OR7A5: variants seen among roughly 807,000 people sequenced by gnomAD.
OR7A5 encodes olfactory receptor 7A5.
For missense variants in OR7A5, 319 were observed against 377.9 expected, an observed-to-expected ratio of 0.84 and a Z score of 1.29; for synonymous variants, 140 against 146.7, an observed-to-expected ratio of 0.95 and a Z score of 0.33.
intron 1 of OR7A5, among the ~76,000 whole-genome samples, chr19:14,829,403 A>G (rs1014412774): frequency 1.3e-5 from 2 of 152,118 alleles, no homozygotes; most frequent in East Asian, 3.9e-4. Flanking sequence ...GGGTTTCTCC[A>G]TGTTGGTCAG....
rs1422191176 is a variant in OR7A5 at position 14,831,686 on chromosome 19, G to T, written c.-14+3388C>A. 7.9e-5 allele frequency among the ~76,000 whole-genome samples: 12 copies of T among 151,946 alleles called. No individual in the cohort carries two copies. In the East Asian group the frequency reaches 1.7e-3, roughly 22 times the overall value. ...TCTCGATCTCCTGACCTCGTGATCC[G>T]CCTGCCTCGGCCTCCCAAAGTGCTG... On this transcript the variant is annotated intron_variant, in intron 1 of 1. Coordinates refer to ENST00000322301, the MANE Select transcript of OR7A5 (RefSeq NM_017506.2).
At chr19:14,829,672 C>T (rs184887778) in intron 1 of OR7A5, among the ~76,000 whole-genome samples, 2 of 152,200 alleles carry the variant, frequency 1.3e-5, no homozygotes, top group Non-Finnish European at 2.9e-5. Context: ...TGCTGTTGCA[C>T]CTGCACTTTA....
Position 14,827,966 on chromosome 19 carries a change from G to A in OR7A5, c.276C>T (p.Ile92=). 6.2e-7 allele frequency: 1 copy of A among 1,614,226 alleles called. No homozygotes were observed. The highest frequency in any genetic ancestry group is 1.3e-5 in the African/African-American group (1 of 75,058). ...TCTGCATGAGGCAGGCTATGTAGGT[G>A]ATGACTTTGTTCTGTGTCTGGATGT... is the stretch of plus-strand genomic sequence containing the variant. The part of the protein sequence containing the change: ...LMNIQTQNKV[I]TYIACLMQMY... The change falls in exon 2 of 2, where the codon ATC becomes ATT. Residue 92 remains isoleucine, a synonymous_variant. Coordinates refer to ENST00000322301, the MANE Select transcript of OR7A5 (RefSeq NM_017506.2).
chr19:14,831,512 T>C (rs1332130958), intron 1 of OR7A5, among the ~76,000 whole-genome samples: 1 of 152,078 alleles, frequency 6.6e-6, no homozygotes, highest in Admixed American at 6.5e-5. Context: ...TGGTGCAATA[T>C]TGGCTCACTG....
chr19:14,829,986 C>A (rs2044815214), intron 1 of OR7A5, among the ~76,000 whole-genome samples: 1 of 152,188 alleles, frequency 6.6e-6, no homozygotes, highest in Non-Finnish European at 1.5e-5. Flanking sequence ...CCTCAGCCTC[C>A]CAAGTAGTTG....
intron 1 of OR7A5, among the ~76,000 whole-genome samples, chr19:14,832,379 T>TTCCC (rs1354740545): frequency 1.3e-5 from 2 of 151,486 alleles, no homozygotes; most frequent in African/African-American, 4.9e-5. Context: ...TTTTCCCTCC[T>TTCCC]TCCCTCCCTC....
In OR7A5 at chr19:14,827,412, A is replaced by C; in HGVS notation, c.830T>G (p.Met277Arg). The change falls in exon 2 of 2, where the codon ATG becomes AGG. Residue 277 changes from methionine (M) to arginine (R), a missense_variant. Coordinates refer to ENST00000322301, the MANE Select transcript of OR7A5 (RefSeq NM_017506.2). ...NSHSSATASV[M>R]YTVVTPMLNP... ...CAGCATGGGGGTGACCACAGTGTAC[A>C]TCACTGAGGCTGTTGCACTTGAGTG... 1 of 1,614,134 alleles carries C rather than the reference A, an allele frequency of 6.2e-7. No homozygotes were observed. Among genetic ancestry groups the C allele is most frequent in the Non-Finnish European group, 8.5e-7 (1 of 1,179,996 alleles).
chr19:14,828,352 C>T (rs1197948044), intron 1 of OR7A5, 98 bp from the exon 2 acceptor site: 1 of 1,240,686 alleles, frequency 8.1e-7, no homozygotes, highest in Non-Finnish European at 1.1e-6. Context: ...AATAAATTAT[C>T]TTACATTTTG....
intron 1 of OR7A5, among the ~76,000 whole-genome samples, chr19:14,834,161 C>T (rs2044861624): frequency 6.6e-6 from 1 of 152,244 alleles, no homozygotes; most frequent in South Asian, 2.1e-4. Context: ...ACTTGGGAGA[C>T]TGAGGTGGGA....
chr19:14,834,806 C>T (rs1004461410), intron 1 of OR7A5, among the ~76,000 whole-genome samples: 24 of 152,140 alleles, frequency 1.6e-4, no homozygotes, highest in African/African-American at 5.6e-4. Context: ...CATTTTACAC[C>T]TCCTATTCCT....
In OR7A5 at chr19:14,827,460, C is replaced by T. The variant is rs755231338; in HGVS notation, c.782G>A (p.Ser261Asn). The change falls in exon 2 of 2, where the codon AGT becomes AAT. Residue 261 changes from serine (S) to asparagine (N), a missense_variant. By Grantham distance (46) the Ser-to-Asn change is conservative. Coordinates refer to ENST00000322301, the MANE Select transcript of OR7A5 (RefSeq NM_017506.2). ...GTGTGAGTTGCGGGTGGCAGCAGAA[C>T]TAAGGTACACCCCTAGGATTGCACC... is the stretch of plus-strand genomic sequence containing the variant. ...FYGAILGVYL[S>N]SAATRNSHSS... The T allele has an allele frequency of 6.2e-7, 1 of 1,614,064 alleles. No individual in the cohort carries two copies. Among genetic ancestry groups the T allele is most frequent in the Non-Finnish European group, 8.5e-7 (1 of 1,180,002 alleles).
chr19:14,833,255 G>A (rs1042598844), intron 1 of OR7A5, among the ~76,000 whole-genome samples: 1 of 152,234 alleles, frequency 6.6e-6, no homozygotes, highest in South Asian at 2.1e-4. Flanking sequence ...CAGGTGGGTG[G>A]ATCACTTGAG....
rs748455475 is a variant in OR7A5 at position 14,827,389 on chromosome 19, G to A, written c.853C>T (p.Leu285=). 3 of 1,613,912 alleles carry A rather than the reference G, an allele frequency of 1.9e-6. No homozygotes were observed. Among genetic ancestry groups the A allele is most frequent in the African/African-American group, 2.7e-5 (2 of 75,012 alleles). Residue 285 remains leucine (L), a synonymous_variant, in exon 2 of 2, where the codon CTG becomes TTG. Coordinates refer to ENST00000322301, the MANE Select transcript of OR7A5 (RefSeq NM_017506.2). ...CTCAGACTATAGATAAAGGGGTTCAGCATGGGGGTGACCACAGTGTACATC... is the reference window on the plus strand; with the variant it reads ...CTCAGACTATAGATAAAGGGGTTCAACATGGGGGTGACCACAGTGTACATC... ...SVMYTVVTPM[L]NPFIYSLRNK...
rs1392834147 is a variant in OR7A5, at chr19:14,827,897, C to A, written c.345G>T (p.Leu115=). ...CAAACCGGTCATAGGCCATCACGGA[C>A]AGGAGGAAGTTTTCAAATCCAGCAA... is the stretch of plus-strand genomic sequence containing the variant. The part of the protein sequence containing the change: ...ILFAGFENFL[L]SVMAYDRFVA... The change falls in exon 2 of 2, where the codon CTG becomes CTT. Residue 115 remains leucine, a synonymous_variant. Coordinates refer to ENST00000322301, the MANE Select transcript of OR7A5 (RefSeq NM_017506.2). The A allele has an allele frequency of 3.1e-6, 5 of 1,614,020 alleles. No individual in the cohort carries two copies. Among genetic ancestry groups the A allele is most frequent in the Non-Finnish European group, 4.2e-6 (5 of 1,180,028 alleles).
Position 14,827,884 on chromosome 19 carries a change from A to G in OR7A5, c.358T>C (p.Tyr120His). 6.2e-7 allele frequency: 1 copy of G among 1,614,232 alleles called. No homozygotes were observed. Among genetic ancestry groups the G allele is most frequent in the Non-Finnish European group, 8.5e-7 (1 of 1,180,044 alleles). Residue 120 changes from tyrosine (Y) to histidine (H), a missense_variant, in exon 2 of 2, where the codon TAT becomes CAT. Physicochemically the swap from Tyr to His is moderately conservative, Grantham distance 83. Coordinates refer to ENST00000322301, the MANE Select transcript of OR7A5 (RefSeq NM_017506.2). ...TGACAGATGGCCACAAACCGGTCAT[A>G]GGCCATCACGGACAGGAGGAAGTTT... ...FENFLLSVMA[Y>H]DRFVAICHPL...
At position 14,827,788 on chromosome 19, in the gene OR7A5, T is replaced by A; in HGVS notation, c.454A>T (p.Ser152Cys). 4 of 1,614,154 alleles carry A rather than the reference T, an allele frequency of 2.5e-6. No homozygotes were observed. Among genetic ancestry groups the A allele is most frequent in the Non-Finnish European group, 3.4e-6 (4 of 1,180,022 alleles). Reference sequence around the variant, plus strand: ...ATTTGTAGCAAGGAATACAGAGCACTCATGGTCCAGGATGCTAGAACCAGC... The same window carrying A: ...ATTTGTAGCAAGGAATACAGAGCACACATGGTCCAGGATGCTAGAACCAGC... Reference protein sequence around the residue: ...GLLVLASWTMSALYSLLQILM... With the variant: ...GLLVLASWTMCALYSLLQILM... The change falls in exon 2 of 2, where the codon AGT (serine) becomes TGT (cysteine). Residue 152 changes from serine to cysteine, a missense_variant. Ser to Cys is a moderately radical substitution (Grantham distance 112). Transcript: ENST00000322301.
intron 1 of OR7A5, among the ~76,000 whole-genome samples, chr19:14,829,422 T>C (rs1429031463): frequency 6.6e-6 from 1 of 152,210 alleles, no homozygotes; most frequent in African/African-American, 2.4e-5. Flanking sequence ...AGGCTGGTCT[T>C]GAACTCCCAA....
At position 14,828,244 on chromosome 19, in the gene OR7A5, G is replaced by T. The variant is rs746261646; in HGVS notation, c.-3C>A. 9 of 1,606,276 alleles carry T rather than the reference G, an allele frequency of 5.6e-6. No homozygotes were observed. Among genetic ancestry groups the T allele is most frequent in the Non-Finnish European group, 7.7e-6 (9 of 1,175,258 alleles). On this transcript the variant is annotated 5_prime_UTR_variant, in exon 2 of 2. Transcript: ENST00000322301. ...TGTGTATCATTTCCTGGTTCCATTTGATTGAAGTGACTATCAGAGAGAGAG... is the reference window on the plus strand; with the variant it reads ...TGTGTATCATTTCCTGGTTCCATTTTATTGAAGTGACTATCAGAGAGAGAG...
In OR7A5 at chr19:14,828,235, G is replaced by T; in HGVS notation, c.7C>A (p.Pro3Thr). 1 of 1,608,938 alleles carries T rather than the reference G, an allele frequency of 6.2e-7. No individual in the cohort carries two copies. The highest frequency in any genetic ancestry group is 1.1e-5 in the South Asian group (1 of 90,400). The stretch of plus-strand genomic sequence containing the variant: ...TCTGAAATTTGTGTATCATTTCCTG[G>T]TTCCATTTGATTGAAGTGACTATCA... ME[P>T]GNDTQISEFL... Residue 3 changes from proline (P) to threonine (T), a missense_variant, in exon 2 of 2, where the codon CCA becomes ACA. Physicochemically the swap from Pro to Thr is conservative, Grantham distance 38 (BLOSUM62 -1). Coordinates refer to ENST00000322301, the MANE Select transcript of OR7A5 (RefSeq NM_017506.2).
Sources: allele counts gnomAD v4.1 joint callset (sites outside exome capture counted in the v4.1 genomes callset), GRCh38; gene constraint gnomAD v4.1.1; transcripts MANE v1.5; gene names NCBI Gene and HGNC (gene_info 2026-07-23, HGNC 2026-07-21).